ATP8B4: variants seen among roughly 807,000 people sequenced by gnomAD.
ATP8B4 encodes ATPase phospholipid transporting 8B4 (putative), also known as probable phospholipid-transporting ATPase IM.
A neutral mutation model predicts 145.6 loss-of-function variants in ATP8B4; 133 were observed. That is an observed-to-expected ratio of 0.91 (90% confidence interval 0.79 to 1.05). ATP8B4 has a LOEUF of 1.05. Ranked by LOEUF, ATP8B4 falls within the 50% of genes least tolerant of loss-of-function variation. The pLI is 0.00. For synonymous variants in ATP8B4, 507 were observed against 492.9 expected, an observed-to-expected ratio of 1.03 and a Z score of -0.38; for missense variants, 1,458 against 1,425.2, an observed-to-expected ratio of 1.02 and a Z score of -0.37.
chr15:49,878,464 G>A (rs2153400742), intron 24 of ATP8B4, among the ~76,000 whole-genome samples: 1 of 152,324 alleles, frequency 6.6e-6, no homozygotes, highest in South Asian at 2.1e-4. Context: ...CCCAGAAAAT[G>A]AGGCCTAGCA....
At chr15:49,963,275 T>A (rs1304364712) in intron 13 of ATP8B4, among the ~76,000 whole-genome samples, 1 of 152,016 alleles carries the variant, frequency 6.6e-6, no homozygotes, top group African/African-American at 2.4e-5. Flanking sequence ...AAATAACAGG[T>A]GCTGGCAAGG....
intron 7 of ATP8B4, among the ~76,000 whole-genome samples, chr15:50,005,647 C>T (rs1183103228): frequency 6.6e-6 from 1 of 152,176 alleles, no homozygotes; most frequent in South Asian, 2.1e-4. Context: ...AGACTTAACA[C>T]AATCCTCATG....
At chr15:50,053,055 T>C (rs772156040) in intron 3 of ATP8B4, among the ~76,000 whole-genome samples, 1 of 152,190 alleles carries the variant, frequency 6.6e-6, no homozygotes, top group Non-Finnish European at 1.5e-5. Flanking sequence ...AGGTGAAAGA[T>C]GATGCACAGC....
intron 3 of ATP8B4, among the ~76,000 whole-genome samples, chr15:50,066,384 A>G (rs1295281117): frequency 6.6e-6 from 1 of 152,136 alleles, no homozygotes; most frequent in Non-Finnish European, 1.5e-5. Context: ...AACAAATGCA[A>G]GTTACTGGTG....
In ATP8B4 at chr15:50,142,551, C is replaced by T. The variant is rs533129909; in HGVS notation, c.-42-35543G>A. 7.0e-4 allele frequency among the ~76,000 whole-genome samples: 107 copies of T among 152,094 alleles called. No homozygotes were observed. In the South Asian group the frequency reaches 0.018, roughly 25 times the overall value. On this transcript the variant is annotated intron_variant, in intron 1 of 3. Transcript: ENST00000558829. ...AGGTTTTTCAAGCAGGAAAACAACA[C>T]GGCTATATTTCATTTTGAAGAACAT...
intron 1 of ATP8B4, among the ~76,000 whole-genome samples, chr15:50,171,814 T>C (rs767991880): frequency 9.9e-5 from 15 of 151,496 alleles, no homozygotes; most frequent in Non-Finnish European, 1.9e-4. Context: ...GACAGACCAT[T>C]AGGAAGATTA....
intron 2 of ATP8B4, 143 bp from the exon 3 acceptor site, chr15:50,074,328 C>A: frequency 7.0e-6 from 5 of 711,060 alleles, no homozygotes; most frequent in Non-Finnish European, 9.3e-6. Flanking sequence ...TGGCTTTTTC[C>A]AGTGTACATG....
chr15:49,937,376 C>T (rs1468442738), intron 14 of ATP8B4, among the ~76,000 whole-genome samples: 2 of 152,116 alleles, frequency 1.3e-5, no homozygotes, highest in Non-Finnish European at 2.9e-5. Flanking sequence ...AAAATATGTG[C>T]TATGTTTATA....
intron 1 of ATP8B4, among the ~76,000 whole-genome samples, chr15:50,138,317 GATAGATAGGTAGA>G (rs1567402906): frequency 3.0e-5 from 4 of 132,812 alleles, no homozygotes; most frequent in African/African-American, 1.1e-4. Context: ...TATATAGATA[GATAGATAGGTAGA>G]TAGATAGATA....
chr15:49,963,425 G>A (rs971611186), intron 13 of ATP8B4, among the ~76,000 whole-genome samples: 2 of 152,024 alleles, frequency 1.3e-5, no homozygotes, highest in Non-Finnish European at 2.9e-5. Flanking sequence ...TATATCAAAG[G>A]AATATAAATC....
chr15:50,036,252 T>C (rs2050827925), intron 6 of ATP8B4, among the ~76,000 whole-genome samples: 1 of 152,098 alleles, frequency 6.6e-6, no homozygotes, highest in South Asian at 2.1e-4. Context: ...AAGAGCGTGA[T>C]TGCAGGCAAG....
intron 3 of ATP8B4, among the ~76,000 whole-genome samples, chr15:50,049,228 G>C (rs768943373): frequency 1.2e-4 from 18 of 152,126 alleles, no homozygotes; most frequent in Non-Finnish European, 2.6e-4. Flanking sequence ...TTAGACAAGA[G>C]CTGGGACATC....
intron 14 of ATP8B4, among the ~76,000 whole-genome samples, chr15:49,958,526 G>A (rs1447429006): frequency 1.3e-5 from 2 of 151,486 alleles, no homozygotes; most frequent in African/African-American, 4.8e-5. Context: ...ATTAAGACAG[G>A]AAAGGACAAA....
At position 50,160,730 on chromosome 15, in the gene ATP8B4, G is replaced by T. The variant is rs115435649; in HGVS notation, c.-43+21531C>A. 6.5e-4 allele frequency among the ~76,000 whole-genome samples: 99 copies of T among 152,030 alleles called. 1 individual carries two copies. Among genetic ancestry groups the T allele is most frequent in the African/African-American group, 2.3e-3 (94 of 41,518 alleles). ...TTTCTTTTTTATTCTGTTGTGGTCAGAGAAAATATTTGATATGATTTCCAA... is the reference window on the plus strand; with the variant it reads ...TTTCTTTTTTATTCTGTTGTGGTCATAGAAAATATTTGATATGATTTCCAA... On this transcript the variant is annotated intron_variant, in intron 1 of 3. Transcript: ENST00000558829.
At chr15:50,037,861 A>G (rs1316684608) in intron 6 of ATP8B4, among the ~76,000 whole-genome samples, 1 of 152,218 alleles carries the variant, frequency 6.6e-6, no homozygotes, top group Non-Finnish European at 1.5e-5. Context: ...TGTTATTAGA[A>G]ATCAATCAAT....
rs776952913 is a variant in ATP8B4 at position 50,029,255 on chromosome 15, A to AAAAAAAAAAAAAAAAAAAAAAAAAAAAAC, written c.362+9512_362+9513insGTTTTTTTTTTTTTTTTTTTTTTTTTTTT. Among the ~76,000 whole-genome samples, 6 of 141,158 alleles carry AAAAAAAAAAAAAAAAAAAAAAAAAAAAAC rather than the reference A, an allele frequency of 4.3e-5. 1 individual carries two copies. Among genetic ancestry groups the AAAAAAAAAAAAAAAAAAAAAAAAAAAAAC allele is most frequent in the Non-Finnish European group, 8.0e-5 (5 of 62,258 alleles). 92.6% of individuals were successfully genotyped at this position (141,158 alleles called of 152,430 possible). A position where few individuals can be genotyped will look rare whatever the true frequency, so the allele number is the denominator to read the frequency against. On this transcript the variant is annotated intron_variant, in intron 6 of 27. Transcript: ENST00000284509. ...CTCCATCTTAAAAAAAAAAAAAAAA[A>AAAAAAAAAAAAAAAAAAAAAAAAAAAAAC]AACAGAAAAATACAGCAGAATTTTA...
chr15:50,015,832 A>G (rs1327004203), intron 6 of ATP8B4, among the ~76,000 whole-genome samples: 6 of 152,212 alleles, frequency 3.9e-5, no homozygotes, highest in African/African-American at 1.2e-4. Flanking sequence ...AAGAATGCAG[A>G]TGTTTCCCTT....
chr15:50,116,918 A>C (rs2057173695), intron 1 of ATP8B4, among the ~76,000 whole-genome samples: 1 of 152,144 alleles, frequency 6.6e-6, no homozygotes. Context: ...GAAATATATA[A>C]TGTTGCTAGG....
intron 18 of ATP8B4, among the ~76,000 whole-genome samples, chr15:49,919,458 C>T (rs1404081209): frequency 6.6e-6 from 1 of 152,180 alleles, no homozygotes; most frequent in South Asian, 2.1e-4. Flanking sequence ...TGCTCTGTCG[C>T]CCAGGCTGGA....
Sources: allele counts gnomAD v4.1 joint callset (sites outside exome capture counted in the v4.1 genomes callset), GRCh38; gene constraint gnomAD v4.1.1; transcripts MANE v1.5; gene names NCBI Gene and HGNC (gene_info 2026-07-23, HGNC 2026-07-21).